GPC3: variants seen among roughly 807,000 people sequenced by gnomAD.
GPC3 encodes the protein glypican 3, also known as glypican-3.
GPC3 carries 3 observed loss-of-function variants against 34.4 expected under a neutral mutation model. That is an observed-to-expected ratio of 0.09 (90% CI 0.04 to 0.23). The LOEUF is 0.23. Among genes scored for constraint, GPC3 ranks in the 10% least tolerant of loss-of-function variants. GPC3 has a pLI of 1.00. For synonymous variants in GPC3, 177 were observed against 174.0 expected (o/e 1.02, Z -0.13); for missense variants, 351 against 445.6 (o/e 0.79, Z 1.91).
At chrX:133,727,923 G>A (rs1261265792) in intron 3 of GPC3, among the ~76,000 whole-genome samples, 1 of 112,419 alleles carries the variant, frequency 8.9e-6, no homozygotes, top group African/African-American at 3.2e-5. Flanking sequence ...TTAAAGGAAA[G>A]GCATTTGTCA....
chrX:133,619,577 TA>T (rs943025725), intron 6 of GPC3, among the ~76,000 whole-genome samples: 3 of 111,156 alleles, frequency 2.7e-5, no homozygotes, highest in African/African-American at 9.8e-5. Flanking sequence ...AAGCCAGACA[TA>T]AAAAAAACTA....
At chrX:133,658,493 C>T (rs758822608) in intron 6 of GPC3, among the ~76,000 whole-genome samples, 7 of 111,618 alleles carry the variant, frequency 6.3e-5, no homozygotes, top group Non-Finnish European at 1.1e-4. Flanking sequence ...TCATCATCAT[C>T]GACATCATCA....
chrX:133,627,462 G>A (rs1472878170), intron 6 of GPC3, among the ~76,000 whole-genome samples: 1 of 111,814 alleles, frequency 8.9e-6, no homozygotes, highest in Admixed American at 9.5e-5. Context: ...AACAGGGACT[G>A]TGTGAATGAC....
Position 133,612,893 on chromosome X carries a change from G to A in GPC3, c.1414-16294C>T, listed in dbSNP as rs1036939887. ...CTGTGCATTTAAACATGGCCTTCTGGGAAGAATGGCTCATCCCAAAGGAAT... is the reference window on the plus strand; with the variant it reads ...CTGTGCATTTAAACATGGCCTTCTGAGAAGAATGGCTCATCCCAAAGGAAT... On this transcript the variant is annotated intron_variant, in intron 6 of 7. Coordinates refer to ENST00000370818, the MANE Select transcript of GPC3 (RefSeq NM_004484.4). Among the ~76,000 whole-genome samples the A allele has an allele frequency of 9.8e-5, 11 of 111,738 alleles. No individual in the cohort carries two copies. In the Admixed American group the frequency reaches 1.0e-3, roughly 11 times the overall value.
intron 3 of GPC3, among the ~76,000 whole-genome samples, chrX:133,709,788 TTATTA>T (rs751056933): frequency 9.8e-5 from 11 of 112,500 alleles, no homozygotes; most frequent in Admixed American, 1.9e-4. Flanking sequence ...CAAACCATTC[TTATTA>T]TATGCTTGTA....
intron 2 of GPC3, chrX:133,763,157 T>C: frequency 1.4e-6 from 1 of 728,619 alleles, no homozygotes; most frequent in Non-Finnish European, 2.1e-6. Context: ...GAGCCGCAGC[T>C]TCTTGTGGTT....
intron 7 of GPC3, among the ~76,000 whole-genome samples, chrX:133,593,353 G>GAAAAAAAAAAAAAAAAAAAAAAAAAAA (rs1569391707): frequency 1.7e-5 from 1 of 58,156 alleles, no homozygotes; most frequent in Admixed American, 1.9e-4. Context: ...AAAAAAAAAA[G>GAAAAAAAAAAAAAAAAAAAAAAAAAAA]TAAAAAAAAA....
At chrX:133,712,502 C>T (rs970649163) in intron 3 of GPC3, among the ~76,000 whole-genome samples, 11 of 111,171 alleles carry the variant, frequency 9.9e-5, no homozygotes, top group Non-Finnish European at 1.7e-4. Context: ...CAAATAGAAA[C>T]GAAAAACGCA....
Position 133,951,586 on chromosome X carries a change from C to T in GPC3, c.337+1464G>A, listed in dbSNP as rs140108719. On this transcript the variant is annotated intron_variant, in intron 2 of 7. Transcript: ENST00000370818. ...CATTTCTTCTCACCCCACTTTCATC[C>T]AACAGATCAACTCCAAAACCAATCT... Among the ~76,000 whole-genome samples the T allele has an allele frequency of 2.4e-3, 270 of 111,756 alleles. 1 individual carries two copies. The highest frequency in any genetic ancestry group is 8.4e-3 in the African/African-American group (257 of 30,770).
intron 6 of GPC3, among the ~76,000 whole-genome samples, chrX:133,626,408 C>T (rs1161598909): frequency 9.0e-6 from 1 of 111,050 alleles, no homozygotes; most frequent in Non-Finnish European, 1.9e-5. Context: ...TTTTTACAAT[C>T]TACCCATCTC....
intron 2 of GPC3, among the ~76,000 whole-genome samples, chrX:133,894,121 G>A (rs2076101234): frequency 8.9e-6 from 1 of 111,829 alleles, no homozygotes; most frequent in Non-Finnish European, 1.9e-5. Flanking sequence ...GGGATTACAG[G>A]AGTGAGCCAC....
At chrX:133,898,069 T>C (rs1284577611) in intron 2 of GPC3, among the ~76,000 whole-genome samples, 1 of 111,481 alleles carries the variant, frequency 9.0e-6, no homozygotes, top group African/African-American at 3.3e-5. Context: ...ATTTGTATTT[T>C]TCCCTTTTAA....
intron 3 of GPC3, among the ~76,000 whole-genome samples, chrX:133,751,877 TTTTTTGTTTTTG>T (rs376121606): frequency 9.0e-6 from 1 of 111,430 alleles, no homozygotes. Flanking sequence ...CTCTCTTGTT[TTTTTTGTTTTTG>T]TTTTTGTTTT....
chrX:133,888,425 T>C (rs1211097388), intron 2 of GPC3, among the ~76,000 whole-genome samples: 3 of 111,972 alleles, frequency 2.7e-5, no homozygotes, highest in Non-Finnish European at 5.6e-5. Flanking sequence ...TTATAATCCT[T>C]TGGGTATATG....
chrX:133,976,165 C>A (rs2076513771), intron 1 of GPC3, among the ~76,000 whole-genome samples: 1 of 112,024 alleles, frequency 8.9e-6, no homozygotes. Context: ...AAAGCTGTAC[C>A]CACTAGCTCT....
At chrX:133,578,907 C>T (rs1230228275) in intron 7 of GPC3, among the ~76,000 whole-genome samples, 5 of 109,619 alleles carry the variant, frequency 4.6e-5, no homozygotes, top group African/African-American at 1.7e-4. Flanking sequence ...GGCTAATGGC[C>T]CATATGTTGT....
chrX:133,725,434 G>T (rs1280836169), intron 3 of GPC3, among the ~76,000 whole-genome samples: 1 of 112,540 alleles, frequency 8.9e-6, no homozygotes, highest in Non-Finnish European at 1.9e-5. Context: ...AACAATATCA[G>T]TGATTCCTAT....
chrX:133,966,217 C>A (rs1459418207), intron 1 of GPC3, among the ~76,000 whole-genome samples: 1 of 112,198 alleles, frequency 8.9e-6, no homozygotes, highest in Non-Finnish European at 1.9e-5. Flanking sequence ...TTTTGTTATG[C>A]TTACCAAATT....
chrX:133,541,166 G>T (rs1417354943), intron 7 of GPC3, among the ~76,000 whole-genome samples: 1 of 109,203 alleles, frequency 9.2e-6, no homozygotes, highest in Admixed American at 9.9e-5. Context: ...AAGAGGGAGA[G>T]ACTTGTCAGA....
Sources: allele counts gnomAD v4.1 joint callset (sites outside exome capture counted in the v4.1 genomes callset), GRCh38; gene constraint gnomAD v4.1.1; transcripts MANE v1.5; gene names NCBI Gene and HGNC (gene_info 2026-07-23, HGNC 2026-07-21).